Variants in NUDC observed in about 807,000 individuals in gnomAD.
NUDC encodes nuclear migration protein nudC.
NUDC carries 14 observed loss-of-function variants against 45.0 expected under a neutral mutation model. That is an observed-to-expected ratio of 0.31 (90% CI 0.21 to 0.49). The LOEUF (loss-of-function observed/expected upper bound fraction) is 0.49. Ranked by LOEUF, NUDC falls within the 20% of genes least tolerant of loss-of-function variation. The pLI is 0.99. For missense variants in NUDC, 323 were observed against 426.2 expected, an observed-to-expected ratio of 0.76 and a Z score of 2.13; for synonymous variants, 153 against 156.7, an observed-to-expected ratio of 0.98 and a Z score of 0.17.
chr1:26,900,535 A>G, intron 1 of NUDC: 1 of 1,046,168 alleles, frequency 9.6e-7, no homozygotes. Flanking sequence ...TGAAAATTCT[A>G]ACTAGTCCTT....
At chr1:26,937,117 A>AT (rs1557678808) in intron 2 of NUDC, among the ~76,000 whole-genome samples, 2 of 152,168 alleles carry the variant, frequency 1.3e-5, no homozygotes, top group African/African-American at 4.8e-5. Context: ...CTTGTTTATT[A>AT]TAAAAGACAT....
chr1:26,921,631 G>T (rs974023565), upstream of NUDC: 4 of 592,880 alleles, frequency 6.7e-6, no homozygotes, highest in Non-Finnish European at 1.2e-5. Flanking sequence ...AATGGTCGGC[G>T]AAGCGGGTTG....
intron 1 of NUDC, chr1:26,922,219 CGGCTTCCAA>C: frequency 1.9e-6 from 1 of 518,056 alleles, no homozygotes; most frequent in Non-Finnish European, 3.5e-6. Flanking sequence ...ACTTTGATGG[CGGCTTCCAA>C]GGAGCATCCC....
Position 26,945,670 on chromosome 1 carries a change from C to G in NUDC, c.928C>G (p.Gln310Glu), listed in dbSNP as rs374852689. Residue 310 changes from glutamine (Q) to glutamate (E), a missense_variant, in exon 8 of 9, where the codon CAG becomes GAG. Physicochemically the swap from Gln to Glu is conservative, Grantham distance 29. This residue lies in a region of NUDC where 54 missense variants were observed against 100.2 expected (regional missense o/e 0.54). Transcript: ENST00000321265. Reference protein sequence around the residue: ...GLPTSDEQKKQEILKKFMDQH... With the variant: ...GLPTSDEQKKEEILKKFMDQH... Reference sequence around the variant, plus strand: ...GCCAACTTCAGACGAACAGAAGAAACAGGAGATTCTGAAGAAGTGAGCAAT... The same window carrying G: ...GCCAACTTCAGACGAACAGAAGAAAGAGGAGATTCTGAAGAAGTGAGCAAT... The G allele has an allele frequency of 6.2e-7, 1 of 1,613,678 alleles. No homozygotes were observed. Among genetic ancestry groups the G allele is most frequent in the East Asian group, 2.2e-5 (1 of 44,886 alleles).
chr1:26,930,710 CAAAA>C (rs35636381), intron 2 of NUDC, among the ~76,000 whole-genome samples: 6 of 111,658 alleles, frequency 5.4e-5, no homozygotes, highest in Non-Finnish European at 5.4e-5. Context: ...AACCCTGTCT[CAAAA>C]AAAAAAAAAA....
At position 26,929,295 on chromosome 1, in the gene NUDC, C is replaced by T. The variant is rs1232516738; in HGVS notation, c.159+5129C>T. 6.6e-5 allele frequency among the ~76,000 whole-genome samples: 10 copies of T among 151,490 alleles called. No homozygotes were observed. The East Asian group carries it at 7.7e-4, about 12-fold the overall frequency. The stretch of plus-strand genomic sequence containing the variant: ...ATAATAAAAAAATATGAATTAAGCC[C>T]GACGTGGTGACGCACACCTGTAATC... On this transcript the variant is annotated intron_variant, in intron 2 of 8. Transcript: ENST00000321265.
chr1:26,908,755 T>A (rs541823042), intron 2 of NUDC, among the ~76,000 whole-genome samples: 1 of 151,848 alleles, frequency 6.6e-6, no homozygotes, highest in Admixed American at 6.6e-5. Flanking sequence ...ATTTATTTAT[T>A]TTTTGAGATG....
intron 6 of NUDC, among the ~76,000 whole-genome samples, chr1:26,944,882 A>T (rs1220548442): frequency 6.6e-6 from 1 of 152,060 alleles, no homozygotes; most frequent in Non-Finnish European, 1.5e-5. Context: ...TCTCTACTAA[A>T]AATACAAAAA....
chr1:26,916,012 TA>T (rs2082060101), intron 3 of NUDC, among the ~76,000 whole-genome samples: 1 of 152,158 alleles, frequency 6.6e-6, no homozygotes, highest in Admixed American at 6.5e-5. Context: ...TCCTCATTTT[TA>T]AAACAGTGAC....
intron 2 of NUDC, among the ~76,000 whole-genome samples, chr1:26,941,047 G>T (rs940535540): frequency 6.7e-6 from 1 of 149,100 alleles, no homozygotes; most frequent in East Asian, 2.0e-4. Flanking sequence ...TCAGCTTCTC[G>T]AGTAGCTGGG....
At position 26,908,505 on chromosome 1, in the gene NUDC, A is replaced by G. The variant is rs1004713227; in HGVS notation, c.-15-2623A>G. Among the ~76,000 whole-genome samples, 3 of 152,186 alleles carry G rather than the reference A, an allele frequency of 2.0e-5. No homozygotes were observed. In the East Asian group the frequency reaches 5.8e-4, roughly 29 times the overall value. The stretch of plus-strand genomic sequence containing the variant: ...GAAACAGAAGTGTAGCTCCCCAACC[A>G]TGTGGATTGGTAGGGAAGAAATTTG... On this transcript the variant is annotated intron_variant, in intron 2 of 6. Transcript: ENST00000435827.
intron 6 of NUDC, 96 bp from the exon 7 acceptor site, chr1:26,945,294 T>A (rs148612186): frequency 0.01 from 9,551 of 951,596 alleles, 86 homozygotes; most frequent in Middle Eastern, 0.016. Flanking sequence ...AGGTGCAGGA[T>A]GTGGATGGGA....
At chr1:26,907,307 G>C (rs779057642) in intron 2 of NUDC, among the ~76,000 whole-genome samples, 8 of 152,176 alleles carry the variant, frequency 5.3e-5, no homozygotes, top group Non-Finnish European at 1.0e-4. Flanking sequence ...CTCTCCTGTT[G>C]CCTGTTGTAT....
chr1:26,941,534 C>G lies in NUDC; in HGVS notation c.237C>G (p.Ala79=). ...TRREKRARQE[A]ERREKAERAA... is the part of the protein sequence containing the mutation. ...GGGAGAAGAGAGCCCGGCAGGAGGCCGAGCGGCGGGAGAAGGCGGAGCGGG... is the reference window on the plus strand; with the variant it reads ...GGGAGAAGAGAGCCCGGCAGGAGGCGGAGCGGCGGGAGAAGGCGGAGCGGG... The change falls in exon 3 of 9, where the codon GCC becomes GCG. Residue 79 remains alanine, a synonymous_variant. Transcript: ENST00000321265. 6.2e-7 allele frequency: 1 copy of G among 1,613,650 alleles called. No individual in the cohort carries two copies. Among genetic ancestry groups the G allele is most frequent in the Non-Finnish European group, 8.5e-7 (1 of 1,179,882 alleles).
At chr1:26,942,510 G>A in intron 4 of NUDC, 150 bp from the exon 5 acceptor site, 1 of 1,119,070 alleles carries the variant, frequency 8.9e-7, no homozygotes, top group South Asian at 1.3e-5. Context: ...CCAAGGCTTG[G>A]GGGTCTGCCC....
chr1:26,942,938 G>T lies in NUDC; in HGVS notation c.614G>T (p.Arg205Leu), dbSNP rs148845287. Reference sequence around the variant, plus strand: ...GACATGGTGGTGGACATCCAGCGGCGGCACCTCCGGGTGGGGCTCAAGGGG... The same window carrying T: ...GACATGGTGGTGGACATCCAGCGGCTGCACCTCCGGGTGGGGCTCAAGGGG... Reference protein sequence around the residue: ...GKDMVVDIQRRHLRVGLKGQP... With the variant: ...GKDMVVDIQRLHLRVGLKGQP... Residue 205 changes from arginine (R) to leucine (L), a missense_variant, in exon 6 of 9, where the codon CGG becomes CTG. This residue lies in a region of NUDC where 245 missense variants were observed against 278.8 expected (regional missense o/e 0.88). Transcript: ENST00000321265. 1.2e-6 allele frequency: 2 copies of T among 1,613,954 alleles called. No homozygotes were observed. The highest frequency in any genetic ancestry group is 1.7e-6 in the Non-Finnish European group (2 of 1,180,044).
intron 2 of NUDC, among the ~76,000 whole-genome samples, chr1:26,926,152 A>C (rs918544842): frequency 1.3e-5 from 2 of 152,096 alleles, no homozygotes; most frequent in Admixed American, 6.6e-5. Context: ...AGTAGCTGAG[A>C]TTACAGGCGT....
chr1:26,936,110 A>G (rs1239972963), intron 2 of NUDC, among the ~76,000 whole-genome samples: 1 of 119,238 alleles, frequency 8.4e-6, no homozygotes, highest in Admixed American at 1.0e-4. Context: ...CTGGGATTAC[A>G]GGCACCCACC....
At chr1:26,903,416 C>T (rs890548078) in intron 2 of NUDC, among the ~76,000 whole-genome samples, 3 of 152,066 alleles carry the variant, frequency 2.0e-5, no homozygotes, top group African/African-American at 7.2e-5. Context: ...CAATAGAGTT[C>T]ATTCTGTTAT....
Sources: allele counts gnomAD v4.1 joint callset (sites outside exome capture counted in the v4.1 genomes callset), GRCh38; gene constraint gnomAD v4.1.1; regional missense constraint gnomAD v4.1.1; transcripts MANE v1.5; gene names NCBI Gene and HGNC (gene_info 2026-07-23, HGNC 2026-07-21).